The following PCDHGB1 variants were observed in gnomAD, a reference collection of about 807,000 sequenced individuals.
The protein encoded by PCDHGB1 is protocadherin gamma-B1.
Under a neutral mutation model 56.6 loss-of-function variants are expected in PCDHGB1, and 34 were observed. The observed-to-expected ratio is 0.60, with a 90% CI of 0.46 to 0.80. The LOEUF is 0.80. Ranked by LOEUF, PCDHGB1 falls within the 30% of genes least tolerant of loss-of-function variation. The probability of loss-of-function intolerance (pLI) is 0.00; values close to 1 mark genes in which losing one functional copy is unlikely to be tolerated. For synonymous variants in PCDHGB1, 561 were observed against 505.9 expected, an observed-to-expected ratio of 1.11 and a Z score of -1.46; for missense variants, 1,278 against 1,204.6, an observed-to-expected ratio of 1.06 and a Z score of -0.90.
chr5:141,494,678 G>A, intron 1 of PCDHGB1, 129 bp from the exon 2 acceptor site: 1 of 1,554,384 alleles, frequency 6.4e-7, no homozygotes, highest in Non-Finnish European at 8.7e-7. Flanking sequence ...GTCCACCCCT[G>A]CCCCCTCTTA....
rs560582745 is a variant in PCDHGB1 at position 141,399,792 on chromosome 5, A to C, written c.2409+47123A>C. On this transcript the variant is annotated intron_variant, in intron 1 of 3. Transcript: ENST00000523390. ...TGGTGGGCGACCGAAACGACAACGCACCGCGGGTGCTGTACCCCGCGCTGG... is the reference window on the plus strand; with the variant it reads ...TGGTGGGCGACCGAAACGACAACGCCCCGCGGGTGCTGTACCCCGCGCTGG... 8 of 1,613,146 alleles carry C rather than the reference A, an allele frequency of 5.0e-6. No homozygotes were observed. The South Asian group carries it at 8.8e-5, about 18-fold the overall frequency.
At chr5:141,390,237 G>A (rs748278212) in intron 1 of PCDHGB1, 2 of 1,614,004 alleles carry the variant, frequency 1.2e-6, no homozygotes, top group Non-Finnish European at 1.7e-6. Flanking sequence ...TTCATCTGGG[G>A]CCTTATTTCC....
chr5:141,459,989 A>G (rs2098979714), intron 1 of PCDHGB1, among the ~76,000 whole-genome samples: 1 of 152,204 alleles, frequency 6.6e-6, no homozygotes, highest in Non-Finnish European at 1.5e-5. Flanking sequence ...GAGACAGGAG[A>G]ATCGCTTGAA....
Position 141,350,136 on chromosome 5 carries a change from T to C in PCDHGB1, c.-125T>C. ...TGTCCGGTGCACTGAGCACAGACGCTGCTCCTGTTCACCCTCGAGCGCCTA... is the reference window on the plus strand; with the variant it reads ...TGTCCGGTGCACTGAGCACAGACGCCGCTCCTGTTCACCCTCGAGCGCCTA... On this transcript the variant is annotated 5_prime_UTR_variant, in exon 1 of 4. Transcript: ENST00000523390. 2.6e-6 allele frequency: 2 copies of C among 762,100 alleles called. No homozygotes were observed. Among genetic ancestry groups the C allele is most frequent in the East Asian group, 5.8e-5 (2 of 34,302 alleles). The allele number at this position is 762,100 out of a possible 1,614,324, so 47.2% of individuals were successfully genotyped here. A position where few individuals can be genotyped will look rare whatever the true frequency, so the allele number is the denominator to read the frequency against.
At chr5:141,484,176 A>G (rs1044076131) in intron 1 of PCDHGB1, among the ~76,000 whole-genome samples, 1 of 152,236 alleles carries the variant, frequency 6.6e-6, no homozygotes, top group East Asian at 1.9e-4. Context: ...GCTGATCTCA[A>G]TCATTCAAGG....
chr5:141,489,470 T>C lies in PCDHGB1; in HGVS notation c.2410-5337T>C, dbSNP rs1030378524. 1 of 1,613,874 alleles carries C rather than the reference T, an allele frequency of 6.2e-7. No homozygotes were observed. The highest frequency in any genetic ancestry group is 8.5e-7 in the Non-Finnish European group (1 of 1,179,838). ...GAGGAGAATGGGCGCTATTTTTCCCTGAGCTTGATGAGTGGTGCCCTGGCA... is the reference window on the plus strand; with the variant it reads ...GAGGAGAATGGGCGCTATTTTTCCCCGAGCTTGATGAGTGGTGCCCTGGCA... On this transcript the variant is annotated intron_variant, in intron 1 of 3. Transcript: ENST00000523390. This position sits in a 1 kb window ranked among gnomAD's most constrained non-coding sequence, Gnocchi z 4.5.
intron 1 of PCDHGB1, among the ~76,000 whole-genome samples, chr5:141,369,705 A>G (rs1766444941): frequency 6.6e-6 from 1 of 152,376 alleles, no homozygotes; most frequent in East Asian, 1.9e-4. Flanking sequence ...AAGCTATGAC[A>G]TTATAACTTT....
intron 1 of PCDHGB1, chr5:141,426,750 G>A (rs1287163824): frequency 2.2e-6 from 1 of 456,160 alleles, no homozygotes; most frequent in Non-Finnish European, 4.4e-6. Context: ...CCTGGAATCT[G>A]CTATAGATGC....
intron 1 of PCDHGB1, chr5:141,416,540 G>T (rs1439132249): frequency 6.6e-6 from 1 of 151,974 alleles, no homozygotes; most frequent in Non-Finnish European, 1.5e-5. Flanking sequence ...GTATAAGGAG[G>T]CAAACACCTG....
intron 2 of PCDHGB1, among the ~76,000 whole-genome samples, chr5:141,500,928 G>A (rs2099803943): frequency 6.6e-6 from 1 of 151,476 alleles, no homozygotes; most frequent in African/African-American, 2.4e-5. Context: ...GGGTGCAGTG[G>A]CGCCATCTCG....
intron 1 of PCDHGB1, chr5:141,478,686 GA>G (rs2099472024): frequency 6.4e-7 from 1 of 1,551,134 alleles, no homozygotes; most frequent in South Asian, 1.2e-5. Context: ...GCCCTTCCTA[GA>G]TCAAAGTTAG....
At chr5:141,415,640 T>C in intron 1 of PCDHGB1, 1 of 1,594,726 alleles carries the variant, frequency 6.3e-7, no homozygotes, top group Non-Finnish European at 8.5e-7. Context: ...TTTACTTTTG[T>C]TAAAAAAAAA....
intron 1 of PCDHGB1, chr5:141,376,072 C>T (rs755171325): frequency 6.8e-6 from 11 of 1,613,380 alleles, no homozygotes; most frequent in South Asian, 6.6e-5. Context: ...TCACCGTGGC[C>T]GTGGCCGACA....
chr5:141,419,206 G>T, intron 1 of PCDHGB1: 1 of 1,613,876 alleles, frequency 6.2e-7, no homozygotes, highest in Non-Finnish European at 8.5e-7. Flanking sequence ...ATGACAACGC[G>T]CCGGTTTTCG....
intron 1 of PCDHGB1, chr5:141,433,145 G>C (rs2097571427): frequency 6.2e-7 from 1 of 1,613,922 alleles, no homozygotes; most frequent in Non-Finnish European, 8.5e-7. Flanking sequence ...GCTGTCAGGT[G>C]ATTCGGTATT....
intron 1 of PCDHGB1, chr5:141,413,021 C>A: frequency 2.8e-6 from 2 of 714,374 alleles, no homozygotes; most frequent in Non-Finnish European, 4.4e-6. Context: ...TACACAAGCC[C>A]CACAAACCGG....
At position 141,350,694 on chromosome 5, in the gene PCDHGB1, C is replaced by G. The variant is rs1466835442; in HGVS notation, c.434C>G (p.Pro145Arg). Reference sequence around the variant, plus strand: ...TTAGAAATTTGTGAGTCAGCCTTACCCGGGGTAAAATTCTCTCTGGATTCT... The same window carrying G: ...TTAGAAATTTGTGAGTCAGCCTTACGCGGGGTAAAATTCTCTCTGGATTCT... ...IDLEICESAL[P>R]GVKFSLDSAQ... Residue 145 changes from proline (P) to arginine (R), a missense_variant, in exon 1 of 4, where the codon CCC (proline) becomes CGC (arginine). By Grantham distance (103) the Pro-to-Arg change is moderately radical (BLOSUM62 -2). Transcript: ENST00000523390. 6.2e-7 allele frequency: 1 copy of G among 1,613,888 alleles called. No homozygotes were observed. The highest frequency in any genetic ancestry group is 8.5e-7 in the Non-Finnish European group (1 of 1,179,856).
intron 1 of PCDHGB1, among the ~76,000 whole-genome samples, chr5:141,353,480 T>G (rs1305148453): frequency 6.6e-6 from 1 of 152,226 alleles, no homozygotes; most frequent in Non-Finnish European, 1.5e-5. Flanking sequence ...ATTAAGACTC[T>G]TAACACTTTG....
Position 141,493,508 on chromosome 5 carries a change from C to T in PCDHGB1, c.2410-1299C>T, listed in dbSNP as rs2099748607. 1.3e-5 allele frequency among the ~76,000 whole-genome samples: 2 copies of T among 152,284 alleles called. No homozygotes were observed. The highest frequency in any genetic ancestry group is 4.1e-4 in the South Asian group (2 of 4,820). On this transcript the variant is annotated intron_variant, in intron 1 of 3. Transcript: ENST00000523390. The surrounding 1 kb of genome is among the most constrained non-coding windows in gnomAD (Gnocchi z 4.3). Reference sequence around the variant, plus strand: ...TCTTCTGTGGCTCCTCATTTCTGAGCAGTCCCCGCAGCGCAAACTTGGCCA... The same window carrying T: ...TCTTCTGTGGCTCCTCATTTCTGAGTAGTCCCCGCAGCGCAAACTTGGCCA...
Sources: gnomAD v4.1 joint callset for allele counts (sites outside exome capture counted in the v4.1 genomes callset) on GRCh38, gnomAD v4.1.1 for gene constraint, Gnocchi (gnomAD v3.1) non-coding constraint, MANE v1.5 for transcripts, NCBI Gene and HGNC (gene_info 2026-07-23, HGNC 2026-07-21) for gene names.